Variants in SPATA16 observed in about 807,000 individuals in gnomAD.
SPATA16 encodes the protein spermatogenesis-associated protein 16.
A neutral mutation model predicts 63.3 loss-of-function variants in SPATA16; 36 were observed. The observed-to-expected ratio is 0.57, with a 90% CI of 0.44 to 0.75. The LOEUF (loss-of-function observed/expected upper bound fraction) is 0.75. SPATA16 is among the 30% of genes least tolerant of loss of function. The probability of loss-of-function intolerance (pLI) is 0.00; values close to 1 mark genes in which losing one functional copy is unlikely to be tolerated. For missense variants in SPATA16, 646 were observed against 679.3 expected (o/e 0.95, Z 0.54); for synonymous variants, 203 against 216.7 (o/e 0.94, Z 0.56).
At chr3:173,083,552 A>G (rs896798174) in intron 2 of SPATA16, among the ~76,000 whole-genome samples, 1 of 152,108 alleles carries the variant, frequency 6.6e-6, no homozygotes, top group Non-Finnish European at 1.5e-5. Flanking sequence ...ACATAGGTAA[A>G]CGTGCGCCCT....
chr3:173,074,953 G>A (rs867072162), intron 2 of SPATA16, among the ~76,000 whole-genome samples: 15 of 134,578 alleles, frequency 1.1e-4, no homozygotes, highest in Non-Finnish European at 2.0e-4. Context: ...AGCCAAGATT[G>A]CACCATGCCA....
At chr3:172,940,291 C>T (rs1363178460) in intron 6 of SPATA16, among the ~76,000 whole-genome samples, 1 of 152,180 alleles carries the variant, frequency 6.6e-6, no homozygotes, top group African/African-American at 2.4e-5. Flanking sequence ...AAAATGGGCA[C>T]AGTTTTGTCA....
chr3:173,061,753 C>T (rs1431139789), intron 2 of SPATA16, among the ~76,000 whole-genome samples: 1 of 152,194 alleles, frequency 6.6e-6, no homozygotes, highest in African/African-American at 2.4e-5. Context: ...AATCAGCAAG[C>T]TCATCACTTG....
intron 6 of SPATA16, among the ~76,000 whole-genome samples, chr3:172,928,557 A>G (rs1732792745): frequency 6.6e-6 from 1 of 152,208 alleles, no homozygotes; most frequent in Non-Finnish European, 1.5e-5. Flanking sequence ...ATGTAGATAG[A>G]TAGCATAAAG....
At chr3:173,016,566 T>C (rs1735193014) in intron 4 of SPATA16, among the ~76,000 whole-genome samples, 1 of 152,218 alleles carries the variant, frequency 6.6e-6, no homozygotes. Context: ...TTTTTTCATA[T>C]GTGGTAGGTG....
chr3:173,128,046 G>A (rs868704322), intron 1 of SPATA16, among the ~76,000 whole-genome samples: 2 of 152,106 alleles, frequency 1.3e-5, no homozygotes, highest in Non-Finnish European at 2.9e-5. Flanking sequence ...TAAATTTTTA[G>A]CATTGGAAAG....
At chr3:172,997,306 A>G (rs1278798540) in intron 4 of SPATA16, among the ~76,000 whole-genome samples, 1 of 152,002 alleles carries the variant, frequency 6.6e-6, no homozygotes, top group Non-Finnish European at 1.5e-5. Flanking sequence ...TGACCATTTT[A>G]ATAGGTGTGT....
intron 2 of SPATA16, among the ~76,000 whole-genome samples, chr3:173,073,790 C>T (rs1736727467): frequency 6.6e-6 from 1 of 152,222 alleles, no homozygotes; most frequent in Admixed American, 6.5e-5. Flanking sequence ...GGCCACCATC[C>T]TCCAGACCCC....
chr3:173,002,428 G>A (rs1734847917), intron 4 of SPATA16, among the ~76,000 whole-genome samples: 1 of 152,152 alleles, frequency 6.6e-6, no homozygotes, highest in African/African-American at 2.4e-5. Context: ...CTCAGTGAAA[G>A]AATTAGGAGA....
At chr3:172,905,044 T>C (rs1388973183) in intron 10 of SPATA16, among the ~76,000 whole-genome samples, 1 of 151,950 alleles carries the variant, frequency 6.6e-6, no homozygotes, top group Non-Finnish European at 1.5e-5. Context: ...GAAACTTTCC[T>C]CTCCTCCCCA....
intron 6 of SPATA16, among the ~76,000 whole-genome samples, chr3:172,941,132 G>C (rs73882532): frequency 0.02 from 3,078 of 152,274 alleles, 92 homozygotes; most frequent in African/African-American, 0.071. Flanking sequence ...TGAGAATGCA[G>C]ATCTGAGAAA....
intron 9 of SPATA16, 50 bp downstream of exon 9, chr3:172,916,267 T>C (rs1450463142): frequency 6.3e-7 from 1 of 1,593,858 alleles, no homozygotes; most frequent in East Asian, 2.2e-5. Context: ...CATATCACTT[T>C]TCTGTTGGCT....
chr3:173,091,122 G>A (rs1427919526), intron 2 of SPATA16, among the ~76,000 whole-genome samples: 1 of 152,166 alleles, frequency 6.6e-6, no homozygotes, highest in East Asian at 1.9e-4. Flanking sequence ...AGATGATAGG[G>A]CATATTTCTT....
intron 2 of SPATA16, among the ~76,000 whole-genome samples, chr3:173,052,012 T>C (rs192545783): frequency 1.3e-5 from 2 of 152,132 alleles, no homozygotes; most frequent in Admixed American, 1.3e-4. Context: ...GGTTTCACCA[T>C]GTTGGCCAGT....
intron 6 of SPATA16, among the ~76,000 whole-genome samples, chr3:172,935,600 GTGT>G (rs1220494299): frequency 6.6e-6 from 1 of 152,126 alleles, no homozygotes; most frequent in Non-Finnish European, 1.5e-5. Context: ...AGAGGGCATG[GTGT>G]TGTTTACTAT....
At chr3:173,059,929 A>G (rs1345948645) in intron 2 of SPATA16, among the ~76,000 whole-genome samples, 2 of 132,914 alleles carry the variant, frequency 1.5e-5, no homozygotes, top group Non-Finnish European at 3.1e-5. Flanking sequence ...TGTTATGTGG[A>G]GGAAAGTCAG....
intron 4 of SPATA16, among the ~76,000 whole-genome samples, chr3:172,983,967 G>A (rs367716092): frequency 8.2e-4 from 29 of 35,184 alleles, no homozygotes; most frequent in African/African-American, 2.7e-3. Context: ...CCCTGGCCCC[G>A]CCCTGCTATT....
intron 4 of SPATA16, among the ~76,000 whole-genome samples, chr3:173,011,286 A>G (rs576452): frequency 0.11 from 16,417 of 152,286 alleles, 1,082 homozygotes; most frequent in East Asian, 0.14. Context: ...GATTCATCAC[A>G]TAAACAGAAT....
chr3:173,102,452 C>T (rs1240992108), intron 2 of SPATA16, among the ~76,000 whole-genome samples: 1 of 152,174 alleles, frequency 6.6e-6, no homozygotes, highest in East Asian at 1.9e-4. Flanking sequence ...CCTCAGGGTG[C>T]TCTTACTTAT....
Sources: allele counts gnomAD v4.1 joint callset (sites outside exome capture counted in the v4.1 genomes callset), GRCh38; gene constraint gnomAD v4.1.1; transcripts MANE v1.5; gene names NCBI Gene and HGNC (gene_info 2026-07-23, HGNC 2026-07-21).